KIAA0825: variants seen among roughly 807,000 people sequenced by gnomAD.
The protein encoded by KIAA0825 is uncharacterized protein KIAA0825.
In KIAA0825, 119 loss-of-function variants were observed where a neutral mutation model predicts 147.6. The ratio of observed to expected loss-of-function variants is 0.81; its 90% confidence interval spans 0.69 to 0.94. The LOEUF is 0.94. Ranked by LOEUF, KIAA0825 falls within the 40% of genes least tolerant of loss-of-function variation. The pLI, the probability that KIAA0825 is intolerant of heterozygous loss-of-function variation, is 0.00. For missense variants in KIAA0825, 1,381 were observed against 1,472.7 expected (o/e 0.94, Z 1.02); for synonymous variants, 470 against 518.1 (o/e 0.91, Z 1.26).
chr5:94,574,027 G>T (rs1253568682), intron 2 of KIAA0825, among the ~76,000 whole-genome samples: 2 of 152,164 alleles, frequency 1.3e-5, no homozygotes, highest in African/African-American at 4.8e-5. Context: ...AGTGATACAA[G>T]TATCAAATAA....
chr5:94,347,735 T>C (rs912924808), intron 20 of KIAA0825, among the ~76,000 whole-genome samples: 3 of 152,090 alleles, frequency 2.0e-5, no homozygotes, highest in Non-Finnish European at 2.9e-5. Context: ...AACAAGGCTG[T>C]TCAACAACTC....
In KIAA0825 at chr5:94,565,095, C is replaced by CTTTTTTTT. The variant is rs1176429699; in HGVS notation, c.-2+17330_-2+17337dup. Among the ~76,000 whole-genome samples, 186 of 52,922 alleles carry CTTTTTTTT rather than the reference C, an allele frequency of 3.5e-3. 20 individuals carry two copies. The highest frequency in any genetic ancestry group is 5.3e-3 in the Non-Finnish European group (144 of 27,324). The allele number at this position is 52,922 out of a possible 152,430, so 34.7% of individuals were successfully genotyped here. A position where few individuals can be genotyped will look rare whatever the true frequency, so the allele number is the denominator to read the frequency against. On this transcript the variant is annotated intron_variant, in intron 2 of 20. Transcript: ENST00000682413. ...CTCTTTCTCTCTCTTTCTTGCTTTCCTTTTTTTTTTTTTTTTTTGGTAGAG... is the reference window on the plus strand; with the variant it reads ...CTCTTTCTCTCTCTTTCTTGCTTTCCTTTTTTTTTTTTTTTTTTTTTTTTTTGGTAGAG...
At chr5:94,459,669 A>G (rs1397883933) in intron 12 of KIAA0825, among the ~76,000 whole-genome samples, 1 of 152,096 alleles carries the variant, frequency 6.6e-6, no homozygotes, top group East Asian at 1.9e-4. Context: ...ACCTTCGGGT[A>G]TATTTCTGAT....
chr5:94,284,675 G>C (rs531163912), intron 20 of KIAA0825, among the ~76,000 whole-genome samples: 2 of 152,152 alleles, frequency 1.3e-5, no homozygotes, highest in South Asian at 4.1e-4. Flanking sequence ...GTGCTATTTT[G>C]CTATTCCTAA....
chr5:94,156,102 C>T (rs572850102), intron 20 of KIAA0825, among the ~76,000 whole-genome samples: 12 of 152,316 alleles, frequency 7.9e-5, no homozygotes, highest in Admixed American at 7.2e-4. Flanking sequence ...TGAGATATCA[C>T]TCTTTAAATT....
At chr5:94,462,659 T>A in intron 11 of KIAA0825, 90 bp from the exon 12 acceptor site, 1 of 624,238 alleles carries the variant, frequency 1.6e-6, no homozygotes. Context: ...GTACTAAGCA[T>A]ATGTAAGAAT....
chr5:94,173,933 ACT>A (rs1583747675), intron 20 of KIAA0825, among the ~76,000 whole-genome samples: 2 of 151,986 alleles, frequency 1.3e-5, no homozygotes, highest in East Asian at 3.9e-4. Flanking sequence ...TGGAGCCTGG[ACT>A]CTCCAACTGT....
At chr5:94,498,023 T>C (rs1764587866) in intron 5 of KIAA0825, among the ~76,000 whole-genome samples, 2 of 152,194 alleles carry the variant, frequency 1.3e-5, no homozygotes, top group South Asian at 4.1e-4. Context: ...AATATTCTTC[T>C]AGGTGGTTTC....
intron 20 of KIAA0825, among the ~76,000 whole-genome samples, chr5:94,363,214 T>C (rs1470559373): frequency 2.6e-5 from 4 of 151,948 alleles, no homozygotes; most frequent in Non-Finnish European, 5.9e-5. Flanking sequence ...TGACTATTAT[T>C]AGGTTTAATT....
At chr5:94,523,449 A>T (rs1768608508) in intron 4 of KIAA0825, among the ~76,000 whole-genome samples, 1 of 151,670 alleles carries the variant, frequency 6.6e-6, no homozygotes, top group South Asian at 2.1e-4. Context: ...ATAAATTGCT[A>T]CCTTGATTGA....
chr5:94,444,204 C>T (rs1312241850), intron 13 of KIAA0825, among the ~76,000 whole-genome samples: 2 of 152,066 alleles, frequency 1.3e-5, no homozygotes, highest in Non-Finnish European at 2.9e-5. Flanking sequence ...TTCTGGTTTC[C>T]ATGGTGGGGT....
intron 5 of KIAA0825, among the ~76,000 whole-genome samples, chr5:94,513,221 C>A (rs1368869685): frequency 1.3e-5 from 2 of 151,830 alleles, no homozygotes; most frequent in African/African-American, 2.4e-5. Context: ...TTTTCTAAGT[C>A]AAAAAATGAG....
intron 20 of KIAA0825, among the ~76,000 whole-genome samples, chr5:94,329,776 G>C (rs983777691): frequency 4.0e-5 from 6 of 151,882 alleles, no homozygotes; most frequent in African/African-American, 1.5e-4. Context: ...CCTACAGTAT[G>C]TTGAATCAGA....
At chr5:94,282,619 C>A (rs953898275) in intron 20 of KIAA0825, among the ~76,000 whole-genome samples, 1 of 151,996 alleles carries the variant, frequency 6.6e-6, no homozygotes, top group African/African-American at 2.4e-5. Flanking sequence ...TATTGAAATT[C>A]ATAATTACTA....
intron 20 of KIAA0825, among the ~76,000 whole-genome samples, chr5:94,212,325 ATGGAAAATGTTCAATGTCAAGAC>A (rs1772786171): frequency 6.6e-6 from 1 of 152,200 alleles, no homozygotes; most frequent in South Asian, 2.1e-4. Context: ...AATCAGATTT[ATGGAAAATGTTCAATGTCAAGAC>A]TGGAAAATAG....
At chr5:94,425,898 AT>A (rs1318653674) in intron 14 of KIAA0825, among the ~76,000 whole-genome samples, 1 of 152,006 alleles carries the variant, frequency 6.6e-6, no homozygotes, top group African/African-American at 2.4e-5. Context: ...GATCATTTGT[AT>A]GTCTTCTTTT....
At chr5:94,466,881 T>C (rs779660719) in intron 10 of KIAA0825, among the ~76,000 whole-genome samples, 2 of 152,156 alleles carry the variant, frequency 1.3e-5, no homozygotes, top group Non-Finnish European at 2.9e-5. Flanking sequence ...CGCTTGGTTC[T>C]CTCATACCCT....
intron 18 of KIAA0825, among the ~76,000 whole-genome samples, chr5:94,386,890 A>C (rs906017915): frequency 6.6e-6 from 1 of 152,214 alleles, no homozygotes; most frequent in African/African-American, 2.4e-5. Flanking sequence ...ATTATAATGC[A>C]AGCTCCTAAA....
chr5:94,560,470 T>C (rs1443430948), intron 2 of KIAA0825, among the ~76,000 whole-genome samples: 1 of 152,228 alleles, frequency 6.6e-6, no homozygotes. Context: ...CAGCAAACTA[T>C]GACATGGCTT....
Sources: gnomAD v4.1 joint callset for allele counts (sites outside exome capture counted in the v4.1 genomes callset) on GRCh38, gnomAD v4.1.1 for gene constraint, MANE v1.5 for transcripts, NCBI Gene and HGNC (gene_info 2026-07-23, HGNC 2026-07-21) for gene names.